Variants in XKR4 observed in about 807,000 individuals in gnomAD.
The protein encoded by XKR4 is XK-related protein 4.
XKR4 carries 12 observed loss-of-function variants against 53.9 expected under a neutral mutation model. The ratio of observed to expected loss-of-function variants is 0.22; its 90% CI spans 0.14 to 0.36. XKR4 has a LOEUF of 0.36. Ranked by LOEUF, XKR4 falls within the 10% of genes least tolerant of loss-of-function variation. The pLI, the probability that XKR4 is intolerant of heterozygous loss-of-function variation, is 1.00. For synonymous variants in XKR4, 354 were observed against 362.4 expected (o/e 0.98, Z 0.26); for missense variants, 799 against 859.5 (o/e 0.93, Z 0.88).
chr8:55,202,573 C>T (rs1008478948), intron 1 of XKR4, among the ~76,000 whole-genome samples: 6 of 152,164 alleles, frequency 3.9e-5, no homozygotes, highest in Admixed American at 2.6e-4. Context: ...GTTTTGTCAT[C>T]GTGGCTCACC....
At chr8:55,341,259 T>G (rs1036063576) in intron 1 of XKR4, among the ~76,000 whole-genome samples, 3 of 152,146 alleles carry the variant, frequency 2.0e-5, no homozygotes, top group Non-Finnish European at 2.9e-5. Context: ...CTGGGACTCC[T>G]CTGTGAGGCA....
At chr8:55,449,482 C>T (rs1805394937) in intron 2 of XKR4, 1 of 1,076,380 alleles carries the variant, frequency 9.3e-7, no homozygotes, top group Non-Finnish European at 1.4e-6. Flanking sequence ...CGACTGGAAG[C>T]AGAGCAGCCA....
rs1483402002 is a variant in XKR4, at chr8:55,533,663, G to A, written c.*9436G>A. ...CTTCTTTTTCTACAGAAACATCTTGGAGCTTGTCAAGCTTTACTGGAGGTG... is the reference window on the plus strand; with the variant it reads ...CTTCTTTTTCTACAGAAACATCTTGAAGCTTGTCAAGCTTTACTGGAGGTG... On this transcript the variant is annotated 3_prime_UTR_variant, in exon 3 of 3. Transcript: ENST00000327381. The A allele has an allele frequency of 1.3e-5, 2 of 152,180 alleles. No homozygotes were observed. Among genetic ancestry groups the A allele is most frequent in the Non-Finnish European group, 2.9e-5 (2 of 68,030 alleles). The allele number at this position is 152,180 out of a possible 1,614,324, so 9.4% of individuals were successfully genotyped here.
At chr8:55,518,481 A>T (rs1806749482) in intron 2 of XKR4, among the ~76,000 whole-genome samples, 1 of 152,204 alleles carries the variant, frequency 6.6e-6, no homozygotes, top group Non-Finnish European at 1.5e-5. Context: ...ATCCCCGCCT[A>T]AAAGACCCTC....
chr8:55,396,822 A>G (rs554230629), intron 2 of XKR4, among the ~76,000 whole-genome samples: 1 of 152,332 alleles, frequency 6.6e-6, no homozygotes, highest in Admixed American at 6.5e-5. Flanking sequence ...TGCTTTAAAG[A>G]CTTTACATGT....
At chr8:55,256,627 G>A (rs1034076372) in intron 1 of XKR4, among the ~76,000 whole-genome samples, 10 of 152,194 alleles carry the variant, frequency 6.6e-5, no homozygotes, top group African/African-American at 2.2e-4. Flanking sequence ...AGAGAATGCT[G>A]ATGGAGGAAT....
chr8:55,358,738 G>A (rs191730397), intron 2 of XKR4, among the ~76,000 whole-genome samples: 192 of 152,316 alleles, frequency 1.3e-3, no homozygotes, highest in African/African-American at 4.4e-3. Flanking sequence ...CACAGTTAAC[G>A]TATTGTAAGG....
chr8:55,103,323 G>T, intron 1 of XKR4, 29 bp downstream of exon 1: 1 of 1,557,896 alleles, frequency 6.4e-7, no homozygotes, highest in Non-Finnish European at 8.7e-7. Context: ...GAAAAGGGAG[G>T]CTTGCTGCTG....
chr8:55,165,053 G>A (rs531298288), intron 1 of XKR4, among the ~76,000 whole-genome samples: 1 of 152,266 alleles, frequency 6.6e-6, no homozygotes, highest in South Asian at 2.1e-4. Flanking sequence ...AGAATGGGCA[G>A]CCCTAGGAAG....
intron 2 of XKR4, among the ~76,000 whole-genome samples, chr8:55,405,550 G>T (rs1804668803): frequency 6.6e-6 from 1 of 152,170 alleles, no homozygotes; most frequent in Non-Finnish European, 1.5e-5. Flanking sequence ...ATTAAAACTT[G>T]TCACATGTAT....
At chr8:55,190,986 C>T (rs1817437696) in intron 1 of XKR4, among the ~76,000 whole-genome samples, 1 of 152,172 alleles carries the variant, frequency 6.6e-6, no homozygotes, top group Admixed American at 6.5e-5. Context: ...AAAGGGCTTC[C>T]ATGGATAACT....
chr8:55,174,724 A>G (rs1817208793), intron 1 of XKR4, among the ~76,000 whole-genome samples: 1 of 152,140 alleles, frequency 6.6e-6, no homozygotes, highest in Non-Finnish European at 1.5e-5. Context: ...AGTAACTGTC[A>G]CTAGTCTCTC....
chr8:55,229,317 A>T (rs868215353), intron 1 of XKR4, among the ~76,000 whole-genome samples: 1 of 152,252 alleles, frequency 6.6e-6, no homozygotes, highest in South Asian at 2.1e-4. Flanking sequence ...GCAAAAGAGG[A>T]TAGTGAAGGA....
intron 1 of XKR4, among the ~76,000 whole-genome samples, chr8:55,139,513 A>AAAAAAAAAAAAAAC (rs1816674436): frequency 4.0e-5 from 1 of 25,204 alleles, no homozygotes; most frequent in African/African-American, 6.4e-5. Context: ...ACTCCGTCTC[A>AAAAAAAAAAAAAAC]AAAAAAAAAA....
At chr8:55,196,458 C>T (rs1292411022) in intron 1 of XKR4, among the ~76,000 whole-genome samples, 1 of 152,218 alleles carries the variant, frequency 6.6e-6, no homozygotes, top group African/African-American at 2.4e-5. Flanking sequence ...GCTGGGATTA[C>T]AGGCATGAGC....
intron 1 of XKR4, among the ~76,000 whole-genome samples, chr8:55,347,223 T>C (rs1404429675): frequency 6.6e-6 from 1 of 152,214 alleles, no homozygotes; most frequent in African/African-American, 2.4e-5. Context: ...CTTAGTGACA[T>C]AGGAGGCTGT....
At chr8:55,222,617 G>A (rs909955312) in intron 1 of XKR4, among the ~76,000 whole-genome samples, 1 of 152,052 alleles carries the variant, frequency 6.6e-6, no homozygotes, top group African/African-American at 2.4e-5. Context: ...CCTTATTTCT[G>A]CCTCTTCAAA....
chr8:55,496,683 G>A (rs1030105375), intron 2 of XKR4, among the ~76,000 whole-genome samples: 9 of 152,116 alleles, frequency 5.9e-5, no homozygotes, highest in African/African-American at 1.2e-4. Context: ...GTAGGCTTTT[G>A]AATGTGATTT....
At chr8:55,451,942 C>A in intron 2 of XKR4, 1 of 774,240 alleles carries the variant, frequency 1.3e-6, no homozygotes, top group Non-Finnish European at 2.3e-6. Context: ...CGGCTGGCTC[C>A]AGTGCTCCTA....
Sources: gnomAD v4.1 joint callset for allele counts (sites outside exome capture counted in the v4.1 genomes callset) on GRCh38, gnomAD v4.1.1 for gene constraint, MANE v1.5 for transcripts, NCBI Gene and HGNC (gene_info 2026-07-23, HGNC 2026-07-21) for gene names.